RFX3: variants seen among roughly 807,000 people sequenced by gnomAD.
RFX3 encodes the protein transcription factor RFX3.
In RFX3, 14 loss-of-function variants were observed where a neutral mutation model predicts 98.6. That is an observed-to-expected ratio of 0.14 (90% CI 0.09 to 0.22). The LOEUF is 0.22. Among genes scored for constraint, RFX3 ranks in the 10% least tolerant of loss-of-function variants. The pLI is 1.00. For missense variants in RFX3, 639 were observed against 926.9 expected (o/e 0.69, Z 4.03); for synonymous variants, 383 against 328.4 (o/e 1.17, Z -1.80).
chr9:3,495,103 T>G (rs1354813449), intron 1 of RFX3, among the ~76,000 whole-genome samples: 1 of 151,746 alleles, frequency 6.6e-6, no homozygotes, highest in African/African-American at 2.4e-5. Context: ...TATGTATGTA[T>G]ATTAATGTAT....
chr9:3,414,034 G>A (rs1297333667), intron 1 of RFX3, among the ~76,000 whole-genome samples: 2 of 152,002 alleles, frequency 1.3e-5, no homozygotes, highest in Non-Finnish European at 2.9e-5. Flanking sequence ...CCACATATCT[G>A]CTAATAAACT....
At chr9:3,462,831 A>G (rs768780956) in intron 1 of RFX3, among the ~76,000 whole-genome samples, 23 of 152,110 alleles carry the variant, frequency 1.5e-4, no homozygotes, top group Non-Finnish European at 2.8e-4. Flanking sequence ...AATAGTATTA[A>G]ATATATAATG....
At chr9:3,309,968 A>G (rs1829771482) in intron 4 of RFX3, among the ~76,000 whole-genome samples, 1 of 152,208 alleles carries the variant, frequency 6.6e-6, no homozygotes, top group Non-Finnish European at 1.5e-5. Context: ...ATAAAAGGAC[A>G]GAGTGGGGAG....
intron 1 of RFX3, among the ~76,000 whole-genome samples, chr9:3,477,946 C>T (rs372983055): frequency 3.9e-5 from 6 of 152,126 alleles, no homozygotes; most frequent in African/African-American, 1.4e-4. Flanking sequence ...GTGAATTTTT[C>T]ATTTCAGTTA....
chr9:3,341,431 T>G (rs1833879847), intron 3 of RFX3, among the ~76,000 whole-genome samples: 1 of 151,658 alleles, frequency 6.6e-6, no homozygotes, highest in Non-Finnish European at 1.5e-5. Flanking sequence ...AAAAAAAGAT[T>G]TAACAACTGA....
At chr9:3,316,243 T>A (rs2130622916) in intron 4 of RFX3, among the ~76,000 whole-genome samples, 1 of 152,138 alleles carries the variant, frequency 6.6e-6, no homozygotes, top group Non-Finnish European at 1.5e-5. Context: ...ATAAACGTAA[T>A]CCAGCATATA....
At chr9:3,244,826 G>T (rs1385591591) in intron 15 of RFX3, among the ~76,000 whole-genome samples, 2 of 152,166 alleles carry the variant, frequency 1.3e-5, no homozygotes, top group African/African-American at 2.4e-5. Flanking sequence ...ATGTAAATAT[G>T]TATCCCCCAC....
At chr9:3,483,248 T>C (rs1317774177) in intron 1 of RFX3, among the ~76,000 whole-genome samples, 4 of 152,104 alleles carry the variant, frequency 2.6e-5, no homozygotes, top group Non-Finnish European at 4.4e-5. Flanking sequence ...GTCACAATGA[T>C]GCAGGGAGGG....
chr9:3,407,165 A>T (rs181469936), intron 1 of RFX3, among the ~76,000 whole-genome samples: 102 of 152,314 alleles, frequency 6.7e-4, no homozygotes, highest in Admixed American at 8.5e-4. Context: ...TTCTGACTTC[A>T]TCGTTAATTA....
intron 2 of RFX3, among the ~76,000 whole-genome samples, chr9:3,349,375 A>G (rs1427776551): frequency 6.6e-6 from 1 of 152,114 alleles, no homozygotes; most frequent in Non-Finnish European, 1.5e-5. Flanking sequence ...GTCACTTAAA[A>G]TAAGTCATCA....
chr9:3,351,857 T>C (rs1412745916), intron 2 of RFX3, among the ~76,000 whole-genome samples: 1 of 151,984 alleles, frequency 6.6e-6, no homozygotes, highest in Non-Finnish European at 1.5e-5. Context: ...AGTAGTAATA[T>C]AAATAGGTTC....
chr9:3,256,055 C>T (rs1311239094), intron 14 of RFX3, among the ~76,000 whole-genome samples: 1 of 152,068 alleles, frequency 6.6e-6, no homozygotes, highest in Non-Finnish European at 1.5e-5. Flanking sequence ...CAAGCTCCGC[C>T]TTCCGGGTTC....
Position 3,362,077 on chromosome 9 carries a change from G to C in RFX3, c.118-15313C>G, listed in dbSNP as rs528862639. 3.9e-5 allele frequency among the ~76,000 whole-genome samples: 6 copies of C among 152,262 alleles called. No individual in the cohort carries two copies. The East Asian group carries it at 1.2e-3, about 29-fold the overall frequency. On this transcript the variant is annotated intron_variant, in intron 2 of 16. Transcript: ENST00000617270. ...GGATGTTTATACTTCATGAGCACAG[G>C]ATCACAGAGAACAAAAAGCATGGTT...
At chr9:3,277,870 T>C (rs1324091594) in intron 7 of RFX3, among the ~76,000 whole-genome samples, 1 of 151,984 alleles carries the variant, frequency 6.6e-6, no homozygotes, top group East Asian at 1.9e-4. Flanking sequence ...TGTTGATGAA[T>C]GGCTTTCAAT....
chr9:3,296,849 T>G (rs1385784443), intron 5 of RFX3, among the ~76,000 whole-genome samples: 1 of 152,046 alleles, frequency 6.6e-6, no homozygotes, highest in Admixed American at 6.6e-5. Context: ...CGCCTAGAAA[T>G]TCACTGTATT....
intron 2 of RFX3, among the ~76,000 whole-genome samples, chr9:3,374,784 T>C (rs1403917065): frequency 2.6e-5 from 4 of 152,060 alleles, no homozygotes; most frequent in Non-Finnish European, 2.9e-5. Context: ...ACAATGTGAA[T>C]GTAATTAACA....
chr9:3,478,305 C>T (rs995698549), intron 1 of RFX3, among the ~76,000 whole-genome samples: 1 of 151,694 alleles, frequency 6.6e-6, no homozygotes, highest in Non-Finnish European at 1.5e-5. Context: ...TTTTAATCAT[C>T]AGTGTGTTGT....
chr9:3,369,928 C>G (rs13291510), intron 2 of RFX3, among the ~76,000 whole-genome samples: 4 of 151,794 alleles, frequency 2.6e-5, no homozygotes, highest in African/African-American at 9.7e-5. Flanking sequence ...CCTCGGGTTC[C>G]CGCCATTCTC....
chr9:3,396,554 C>T (rs1032748787), intron 1 of RFX3, among the ~76,000 whole-genome samples: 1 of 152,020 alleles, frequency 6.6e-6, no homozygotes, highest in Non-Finnish European at 1.5e-5. Context: ...GGGTATATAC[C>T]CAGTAACGGG....
Sources: allele counts gnomAD v4.1 joint callset (sites outside exome capture counted in the v4.1 genomes callset), GRCh38; gene constraint gnomAD v4.1.1; transcripts MANE v1.5; gene names NCBI Gene and HGNC (gene_info 2026-07-23, HGNC 2026-07-21).